Variants in NAV1 observed in about 807,000 individuals in gnomAD.
The protein encoded by NAV1 is pore membrane and/or filament interacting like protein 3.
In NAV1, 18 loss-of-function variants were observed where a neutral mutation model predicts 175.2. The ratio of observed to expected loss-of-function variants is 0.10; its 90% CI spans 0.07 to 0.15. The LOEUF is 0.15. NAV1 is among the 10% of genes least tolerant of loss of function. The pLI is 1.00. For synonymous variants in NAV1, 897 were observed against 978.7 expected, an observed-to-expected ratio of 0.92 and a Z score of 1.56; for missense variants, 1,731 against 2,436.6, an observed-to-expected ratio of 0.71 and a Z score of 6.10.
intron 1 of NAV1, among the ~76,000 whole-genome samples, chr1:201,709,976 C>T (rs1671829155): frequency 6.6e-6 from 1 of 152,004 alleles, no homozygotes; most frequent in Admixed American, 6.6e-5. Context: ...GAAATAGTCC[C>T]ACCACACTCT....
intron 1 of NAV1, among the ~76,000 whole-genome samples, chr1:201,701,029 A>AAAAG (rs1558078872): frequency 6.9e-4 from 103 of 148,584 alleles, no homozygotes; most frequent in Non-Finnish European, 1.1e-3. Flanking sequence ...AAAAAAAAAA[A>AAAAG]AAAGAAAGAA....
intron 15 of NAV1, chr1:201,796,625 C>G (rs1011522886): frequency 2.3e-4 from 2 of 8,814 alleles, no homozygotes; most frequent in Non-Finnish European, 0.014. Context: ...ACACACCCAG[C>G]CCTTATAGCT....
intron 1 of NAV1, among the ~76,000 whole-genome samples, chr1:201,655,559 T>C (rs1410244338): frequency 2.0e-5 from 3 of 152,172 alleles, no homozygotes; most frequent in Non-Finnish European, 2.9e-5. Context: ...CTGCTGCTTC[T>C]GGGGACTGGG....
intron 28 of NAV1, among the ~76,000 whole-genome samples, chr1:201,814,749 CA>C (rs201664200): frequency 2.7e-5 from 4 of 149,748 alleles, no homozygotes; most frequent in African/African-American, 9.8e-5. Flanking sequence ...AAGTAAAAAA[CA>C]AAAAAAAAGC....
chr1:201,754,525 G>C (rs547236080), intron 3 of NAV1, among the ~76,000 whole-genome samples: 2 of 152,342 alleles, frequency 1.3e-5, no homozygotes, highest in South Asian at 4.1e-4. Flanking sequence ...CAGTGAAGCA[G>C]TGGAAATGAA....
Position 201,786,582 on chromosome 1 carries a change from G to T in NAV1, c.2995+5G>T. On this transcript the variant is annotated splice_donor_5th_base_variant and intron_variant, in intron 9 of 29. Coordinates refer to ENST00000367296, the Ensembl canonical transcript of NAV1. Reference sequence around the variant, plus strand: ...AGGGCCAACTTACCAACATAGGTTAGTGTTTTCAGTCACTCACTGTGGCAT... The same window carrying T: ...AGGGCCAACTTACCAACATAGGTTATTGTTTTCAGTCACTCACTGTGGCAT... 1 of 1,611,546 alleles carries T rather than the reference G, an allele frequency of 6.2e-7. No homozygotes were observed.
chr1:201,745,257 C>T (rs1268657170), intron 3 of NAV1, among the ~76,000 whole-genome samples: 3 of 152,206 alleles, frequency 2.0e-5, no homozygotes, highest in East Asian at 3.8e-4. Context: ...CCCTCCCACA[C>T]ACATGCATAT....
chr1:201,794,705 AC>A (rs1229262277), intron 15 of NAV1, 128 bp downstream of exon 19: 1 of 833,842 alleles, frequency 1.2e-6, no homozygotes, highest in African/African-American at 1.7e-5. Context: ...GCCTTTAGAT[AC>A]CCTTTAGTGT....
intron 2 of NAV1, among the ~76,000 whole-genome samples, chr1:201,608,593 C>T (rs1667759083): frequency 6.6e-6 from 1 of 152,248 alleles, no homozygotes; most frequent in Admixed American, 6.5e-5. Flanking sequence ...AGGCACTTTT[C>T]CAGCTTTGCT....
At chr1:201,703,502 G>A (rs1671532141) in intron 1 of NAV1, among the ~76,000 whole-genome samples, 1 of 152,154 alleles carries the variant, frequency 6.6e-6, no homozygotes, top group Non-Finnish European at 1.5e-5. Context: ...TAGCAAACTA[G>A]CACTCCTTCC....
At chr1:201,700,417 C>A (rs1290993707) in intron 1 of NAV1, among the ~76,000 whole-genome samples, 1 of 152,086 alleles carries the variant, frequency 6.6e-6, no homozygotes, top group Admixed American at 6.5e-5. Context: ...GAATGGCGAT[C>A]ATTAAAAAGT....
intron 1 of NAV1, among the ~76,000 whole-genome samples, chr1:201,586,002 A>G (rs1346442582): frequency 6.6e-6 from 1 of 152,220 alleles, no homozygotes; most frequent in African/African-American, 2.4e-5. Flanking sequence ...AGAATCTCAA[A>G]GAGATATTTG....
intron 3 of NAV1, among the ~76,000 whole-genome samples, chr1:201,769,948 C>A (rs993813607): frequency 6.6e-6 from 1 of 152,206 alleles, no homozygotes; most frequent in Non-Finnish European, 1.5e-5. Context: ...GTGTTCAAGT[C>A]TGACTTTTAA....
At chr1:201,774,872 G>A (rs1042108676) in intron 3 of NAV1, among the ~76,000 whole-genome samples, 1 of 152,196 alleles carries the variant, frequency 6.6e-6, no homozygotes, top group Non-Finnish European at 1.5e-5. Context: ...AGAGATAATA[G>A]TGATGAGATC....
intron 2 of NAV1, among the ~76,000 whole-genome samples, chr1:201,632,396 C>T (rs1434035327): frequency 6.6e-6 from 1 of 152,228 alleles, no homozygotes; most frequent in Non-Finnish European, 1.5e-5. Context: ...GTGCCCTGAC[C>T]CTCCCTGGCC....
intron 3 of NAV1, among the ~76,000 whole-genome samples, chr1:201,755,327 G>C (rs1045851515): frequency 1.3e-5 from 2 of 152,138 alleles, no homozygotes; most frequent in African/African-American, 4.8e-5. Flanking sequence ...TGTGGTCCCA[G>C]TTACTTGCCT....
intron 1 of NAV1, among the ~76,000 whole-genome samples, chr1:201,654,800 C>T (rs1209830775): frequency 1.3e-5 from 2 of 152,154 alleles, no homozygotes; most frequent in African/African-American, 2.4e-5. Flanking sequence ...GCATCATAGG[C>T]AGGTGGGTGT....
Position 201,808,976 on chromosome 1 carries a change from G to T in NAV1, c.4207+105G>T. 1 of 1,431,886 alleles carries T rather than the reference G, an allele frequency of 7.0e-7. No individual in the cohort carries two copies. The highest frequency in any genetic ancestry group is 9.6e-7 in the Non-Finnish European group (1 of 1,046,088). 88.7% of individuals were successfully genotyped at this position (1,431,886 alleles called of 1,614,324 possible). A position where few individuals can be genotyped will look rare whatever the true frequency, so the allele number is the denominator to read the frequency against. On this transcript the variant is annotated intron_variant, in intron 20 of 29. Transcript: ENST00000367296. The surrounding 1 kb of genome is among the most constrained non-coding windows in gnomAD (Gnocchi z 5.5). ...TGGTCAGGGCGGTAACAATGCCGAA[G>T]CCAAGCAGATGCCAGTGTCCTAAGA...
chr1:201,713,904 T>C (rs924877251), intron 2 of NAV1, among the ~76,000 whole-genome samples: 8 of 152,356 alleles, frequency 5.3e-5, no homozygotes, highest in Middle Eastern at 3.4e-3. Context: ...CCCATGGACA[T>C]ATTTACATAC....
Sources: allele counts gnomAD v4.1 joint callset (sites outside exome capture counted in the v4.1 genomes callset), GRCh38; gene constraint gnomAD v4.1.1; non-coding constraint Gnocchi (gnomAD v3.1); transcripts MANE v1.5; gene names NCBI Gene and HGNC (gene_info 2026-07-23, HGNC 2026-07-21).